The following ADGRV1 variants were observed in gnomAD, a reference collection of about 807,000 sequenced individuals.
ADGRV1 encodes adhesion G protein-coupled receptor V1.
A neutral mutation model predicts 596.2 loss-of-function variants in ADGRV1; 359 were observed. The ratio of observed to expected loss-of-function variants is 0.60; its 90% CI spans 0.55 to 0.66. The LOEUF (loss-of-function observed/expected upper bound fraction) is 0.66, where lower values mean the gene tolerates loss of function less well. ADGRV1 is among the 30% of genes least tolerant of loss of function. The pLI is 0.00. For missense variants in ADGRV1, 7,274 were observed against 7,575.6 expected, an observed-to-expected ratio of 0.96 and a Z score of 1.48; for synonymous variants, 2,681 against 2,679.2, an observed-to-expected ratio of 1.00 and a Z score of -0.02.
At chr5:90,632,063 GT>G (rs11306020) in intron 9 of ADGRV1, among the ~76,000 whole-genome samples, 27,494 of 152,014 alleles carry the variant, frequency 0.18, 2,667 homozygotes, top group East Asian at 0.4. Context: ...ATTAGCACTT[GT>G]TTGTCTTCTC....
chr5:91,011,456 A>G (rs537030099), intron 85 of ADGRV1, among the ~76,000 whole-genome samples: 56 of 152,022 alleles, frequency 3.7e-4, no homozygotes, highest in African/African-American at 1.3e-3. Context: ...CTTCACCCTA[A>G]TAAGTGGCAA....
In ADGRV1 at chr5:90,783,158, G is replaced by A; in HGVS notation, c.13266G>A (p.Val4422=). 6.2e-7 allele frequency: 1 copy of A among 1,613,600 alleles called. No homozygotes were observed. Among genetic ancestry groups the A allele is most frequent in the Non-Finnish European group, 8.5e-7 (1 of 1,179,626 alleles). The part of the protein sequence containing the change: ...EEDVGLIMIP[V]VRLHGTYGYV... ...ATGTTGGGCTGATCATGATCCCAGT[G>A]GTGAGGCTACATGGAACTTATGGCT... The change falls in exon 66 of 90, where the codon GTG becomes GTA. Residue 4422 remains valine, a synonymous_variant. Coordinates refer to ENST00000405460, the MANE Select transcript of ADGRV1 (RefSeq NM_032119.4).
chr5:90,591,372 G>A (rs1277834432), intron 1 of ADGRV1, among the ~76,000 whole-genome samples: 1 of 151,576 alleles, frequency 6.6e-6, no homozygotes, highest in Non-Finnish European at 1.5e-5. Flanking sequence ...CTCCAGCCTG[G>A]GCAACACAGC....
chr5:90,925,726 G>T, intron 83 of ADGRV1, among the ~76,000 whole-genome samples: 1 of 138,912 alleles, frequency 7.2e-6, no homozygotes, highest in Admixed American at 7.4e-5. Flanking sequence ...CAAAGGGAAT[G>T]CTTCCAGTTT....
chr5:90,835,546 C>A (rs866348878), intron 77 of ADGRV1, among the ~76,000 whole-genome samples: 10 of 151,994 alleles, frequency 6.6e-5, no homozygotes, highest in Non-Finnish European at 1.5e-5. Flanking sequence ...GTGACCACTG[C>A]ATAACATATA....
At chr5:90,589,388 A>C (rs2151991662) in intron 1 of ADGRV1, among the ~76,000 whole-genome samples, 1 of 152,320 alleles carries the variant, frequency 6.6e-6, no homozygotes, top group Non-Finnish European at 1.5e-5. Flanking sequence ...TTTAGGTACA[A>C]AGGATTTCAC....
In ADGRV1 at chr5:90,759,553, T is replaced by C. The variant is rs1419985715; in HGVS notation, c.12085T>C (p.Ser4029Pro). 1.9e-6 allele frequency: 3 copies of C among 1,613,470 alleles called. No homozygotes were observed. The highest frequency in any genetic ancestry group is 2.5e-6 in the Non-Finnish European group (3 of 1,179,644). The change falls in exon 58 of 90, where the codon TCT becomes CCT. Residue 4029 changes from serine to proline, a missense_variant. Physicochemically the swap from Ser to Pro is moderately conservative, Grantham distance 74 (BLOSUM62 -1). Around this residue, in one of 5 missense-constraint regions of ADGRV1, gnomAD observed 3,643 missense variants for 3,809.2 expected, o/e 0.96. Coordinates refer to ENST00000405460, the MANE Select transcript of ADGRV1 (RefSeq NM_032119.4). The part of the protein sequence containing the change: ...VVTVVIPQND[S>P]PFGVFGFEEK... ...AACTGTTGTTATTCCACAAAATGAT[T>C]CTCCATTTGGAGTATTTGGATTTGA...
At chr5:91,157,178 T>A (rs1452279103) in intron 89 of ADGRV1, among the ~76,000 whole-genome samples, 1 of 152,202 alleles carries the variant, frequency 6.6e-6, no homozygotes, top group Non-Finnish European at 1.5e-5. Flanking sequence ...CTATGGCCCA[T>A]TCCAAGTCAA....
At chr5:90,696,869 G>T in intron 33 of ADGRV1, 68 bp from the exon 34 acceptor site, 1 of 1,058,710 alleles carries the variant, frequency 9.4e-7, no homozygotes, top group Non-Finnish European at 1.4e-6. Flanking sequence ...AATTATTTTG[G>T]GCCTTTCTGA....
intron 87 of ADGRV1, among the ~76,000 whole-genome samples, chr5:91,119,066 G>A (rs565899625): frequency 4.0e-4 from 61 of 152,214 alleles, no homozygotes; most frequent in African/African-American, 1.4e-3. Context: ...CTTGTTCTCT[G>A]AGAGAGCAAG....
chr5:91,040,755 A>G (rs1785273456), intron 85 of ADGRV1, among the ~76,000 whole-genome samples: 3 of 152,166 alleles, frequency 2.0e-5, no homozygotes, highest in Admixed American at 2.0e-4. Flanking sequence ...TCCATCTATT[A>G]TCAACTAAGC....
intron 52 of ADGRV1, among the ~76,000 whole-genome samples, chr5:90,749,077 A>G (rs1754967774): frequency 1.3e-5 from 2 of 152,304 alleles, no homozygotes; most frequent in South Asian, 4.1e-4. Flanking sequence ...GCAGCCTTGC[A>G]GCAGATGGAG....
At chr5:90,732,188 A>G (rs777365230) in intron 50 of ADGRV1, among the ~76,000 whole-genome samples, 12 of 152,104 alleles carry the variant, frequency 7.9e-5, no homozygotes, top group Non-Finnish European at 1.6e-4. Flanking sequence ...GTTTTTTTTA[A>G]AAGTGGAGTT....
At chr5:90,984,949 G>A (rs1468872714) in intron 84 of ADGRV1, among the ~76,000 whole-genome samples, 1 of 152,160 alleles carries the variant, frequency 6.6e-6, no homozygotes, top group Non-Finnish European at 1.5e-5. Flanking sequence ...CAAAAAGCTT[G>A]AAAATATAGG....
rs763107875 is a variant in ADGRV1, at chr5:90,697,075, T to G, written c.8084T>G (p.Ile2695Ser). The change falls in exon 34 of 90, where the codon ATT becomes AGT. Residue 2695 changes from isoleucine (I) to serine (S), a missense_variant. Ile to Ser is a moderately radical substitution (Grantham distance 142). Coordinates refer to ENST00000405460, the MANE Select transcript of ADGRV1 (RefSeq NM_032119.4). ...AGCTCCGACACTGTTAGAGTGAACA[T>G]TTTGGCCAATGACAATGTGGCAGGA... ...LPSSDTVRVN[I>S]LANDNVAGIV... 6.2e-7 allele frequency: 1 copy of G among 1,613,444 alleles called. No homozygotes were observed. The highest frequency in any genetic ancestry group is 8.5e-7 in the Non-Finnish European group (1 of 1,179,482).
intron 72 of ADGRV1, among the ~76,000 whole-genome samples, chr5:90,806,917 A>C (rs1370613770): frequency 6.6e-6 from 1 of 151,678 alleles, no homozygotes; most frequent in African/African-American, 2.4e-5. Context: ...CAGTGGCGCC[A>C]TCTCAACTCA....
chr5:90,917,126 G>C (rs1773454803), intron 83 of ADGRV1, among the ~76,000 whole-genome samples: 1 of 152,092 alleles, frequency 6.6e-6, no homozygotes, highest in Non-Finnish European at 1.5e-5. Flanking sequence ...GCTTTCATAA[G>C]GGATGTAGCA....
chr5:90,606,475 A>T (rs1449074652), intron 1 of ADGRV1, among the ~76,000 whole-genome samples: 1 of 152,244 alleles, frequency 6.6e-6, no homozygotes, highest in Non-Finnish European at 1.5e-5. Context: ...GGAGAGAAAC[A>T]CAATAAATGC....
chr5:91,002,737 G>A (rs1371946233), intron 85 of ADGRV1, among the ~76,000 whole-genome samples: 1 of 151,718 alleles, frequency 6.6e-6, no homozygotes, highest in Non-Finnish European at 1.5e-5. Flanking sequence ...ATCCCCATGG[G>A]GCCTCATGTT....
Sources: allele counts gnomAD v4.1 joint callset (sites outside exome capture counted in the v4.1 genomes callset), GRCh38; gene constraint gnomAD v4.1.1; regional missense constraint gnomAD v4.1.1; transcripts MANE v1.5; gene names NCBI Gene and HGNC (gene_info 2026-07-23, HGNC 2026-07-21).